Variants in ADAP2 observed in about 807,000 individuals in gnomAD.
ADAP2 encodes the protein ArfGAP with dual PH domains 2, also known as arf-GAP with dual PH domain-containing protein 2.
A neutral mutation model predicts 54.9 loss-of-function variants in ADAP2; 42 were observed. The observed-to-expected ratio is 0.77, with a 90% CI of 0.60 to 0.99. ADAP2 has a LOEUF of 0.99. ADAP2 is among the 50% of genes least tolerant of loss of function. The pLI, the probability that ADAP2 is intolerant of heterozygous loss-of-function variation, is 0.00. For missense variants in ADAP2, 429 were observed against 480.4 expected, an observed-to-expected ratio of 0.89 and a Z score of 1.00; for synonymous variants, 177 against 180.1, an observed-to-expected ratio of 0.98 and a Z score of 0.14.
At chr17:30,927,907 A>T (rs1462959430) in intron 3 of ADAP2, among the ~76,000 whole-genome samples, 1 of 152,056 alleles carries the variant, frequency 6.6e-6, no homozygotes, top group East Asian at 1.9e-4. Context: ...ACGTGCCTGT[A>T]GTCTGAGCTA....
chr17:30,957,622 A>T (rs1196454389), intron 10 of ADAP2, among the ~76,000 whole-genome samples: 1 of 151,704 alleles, frequency 6.6e-6, no homozygotes, highest in Non-Finnish European at 1.5e-5. Flanking sequence ...GTAGAGACAG[A>T]GTTTCACCAT....
At chr17:30,926,946 G>GT in intron 3 of ADAP2, 28 bp downstream of exon 3, 1 of 1,560,338 alleles carries the variant, frequency 6.4e-7, no homozygotes, top group Non-Finnish European at 8.8e-7. Context: ...TAGGGACTGG[G>GT]TGAGGGGTCT....
intron 8 of ADAP2, 47 bp downstream of exon 8, chr17:30,953,397 T>C (rs1188775073): frequency 6.3e-7 from 1 of 1,577,558 alleles, no homozygotes; most frequent in Non-Finnish European, 8.7e-7. Flanking sequence ...TTAATGTATA[T>C]AGAAGGTTTC....
rs1598064159 is a variant in ADAP2 at position 30,958,829 on chromosome 17, C to G, written c.*960C>G. 6.6e-6 allele frequency: 1 copy of G among 151,712 alleles called. No homozygotes were observed. Among genetic ancestry groups the G allele is most frequent in the East Asian group, 1.9e-4 (1 of 5,138 alleles). 9.4% of individuals were successfully genotyped at this position (151,712 alleles called of 1,614,324 possible). A position where few individuals can be genotyped will look rare whatever the true frequency, so the allele number is the denominator to read the frequency against. ...ACTTGAGCCAGGGAGGTCATGGCTA[C>G]AGTGACCCCTCATTGCACCACTTTA... is the stretch of plus-strand genomic sequence containing the variant. On this transcript the variant is annotated 3_prime_UTR_variant, in exon 11 of 11. Transcript: ENST00000330889.
intron 6 of ADAP2, among the ~76,000 whole-genome samples, chr17:30,947,913 G>T (rs1912794403): frequency 6.6e-6 from 1 of 152,186 alleles, no homozygotes; most frequent in Non-Finnish European, 1.5e-5. Context: ...GCCTGGTCCA[G>T]TTGCTGTGGT....
chr17:30,930,262 G>A (rs1911377791), intron 3 of ADAP2, among the ~76,000 whole-genome samples: 1 of 149,530 alleles, frequency 6.7e-6, no homozygotes, highest in African/African-American at 2.5e-5. Flanking sequence ...GGTAGAGCCG[G>A]GGTTTTGCTA....
intron 7 of ADAP2, among the ~76,000 whole-genome samples, chr17:30,950,025 G>A (rs1259966122): frequency 1.3e-5 from 2 of 152,196 alleles, no homozygotes; most frequent in African/African-American, 4.8e-5. Flanking sequence ...TGCTTACAGA[G>A]TGCTTTGAGC....
Position 30,958,022 on chromosome 17 carries a change from C to A in ADAP2, c.*153C>A. The A allele has an allele frequency of 1.4e-6, 1 of 738,908 alleles. No homozygotes were observed. The highest frequency in any genetic ancestry group is 2.3e-6 in the Non-Finnish European group (1 of 428,552). The allele number at this position is 738,908 out of a possible 1,614,324, so 45.8% of individuals were successfully genotyped here. Reference sequence around the variant, plus strand: ...GCCAGGACTGAAGCTGTGGCTTTATCCATCAGCTCCCTGGGCCTTCCCCGC... The same window carrying A: ...GCCAGGACTGAAGCTGTGGCTTTATACATCAGCTCCCTGGGCCTTCCCCGC... On this transcript the variant is annotated 3_prime_UTR_variant, in exon 11 of 11. Transcript: ENST00000330889.
chr17:30,933,745 G>T (rs1375090644), intron 4 of ADAP2, among the ~76,000 whole-genome samples: 2 of 152,300 alleles, frequency 1.3e-5, no homozygotes, highest in South Asian at 2.1e-4. Context: ...TGATCTGCCC[G>T]CCTCGGCCTC....
At position 30,932,230 on chromosome 17, in the gene ADAP2, CTT is replaced by C. The variant is rs769096794; in HGVS notation, c.397+281_397+282del. 2.6e-3 allele frequency among the ~76,000 whole-genome samples: 305 copies of C among 118,900 alleles called. 2 individuals carry two copies. The highest frequency in any genetic ancestry group is 9.3e-3 in the African/African-American group (270 of 28,956). The allele number at this position is 118,900 out of a possible 152,430, so 78.0% of individuals were successfully genotyped here. A position where few individuals can be genotyped will look rare whatever the true frequency, so the allele number is the denominator to read the frequency against. On this transcript the variant is annotated intron_variant, in intron 4 of 10. Transcript: ENST00000330889. ...GCAGGGTCACAAGTGTGTACAGACT[CTT>C]TTTTTTTTTTTTTTTTTTGAGACAG...
At chr17:30,930,706 G>A (rs551374958) in intron 3 of ADAP2, among the ~76,000 whole-genome samples, 2 of 152,330 alleles carry the variant, frequency 1.3e-5, no homozygotes, top group East Asian at 3.9e-4. Flanking sequence ...TGGGCCAGAT[G>A]CCCAGCTCTA....
intron 5 of ADAP2, among the ~76,000 whole-genome samples, chr17:30,940,449 C>T (rs1039849541): frequency 1.3e-5 from 2 of 152,208 alleles, no homozygotes; most frequent in Admixed American, 6.5e-5. Context: ...GGATTACAGG[C>T]GTTGGCCACC....
At chr17:30,945,868 A>G (rs1263391089) in intron 6 of ADAP2, among the ~76,000 whole-genome samples, 1 of 147,552 alleles carries the variant, frequency 6.8e-6, no homozygotes, top group Non-Finnish European at 1.5e-5. Context: ...AAAAAAAAAG[A>G]AGAGGCCGGG....
chr17:30,924,548 C>T (rs1161538839), intron 2 of ADAP2, among the ~76,000 whole-genome samples: 1 of 152,082 alleles, frequency 6.6e-6, no homozygotes, highest in Non-Finnish European at 1.5e-5. Flanking sequence ...CCATTTTGGT[C>T]AGAAAACCTC....
At chr17:30,922,156 A>G in intron 1 of ADAP2, 48 bp downstream of exon 1, 4 of 1,194,300 alleles carry the variant, frequency 3.3e-6, no homozygotes, top group Non-Finnish European at 4.2e-6. Context: ...GCCGGACCCC[A>G]GGCCCACCCG....
In ADAP2 at chr17:30,958,030, T is replaced by A. The variant is rs1257348079; in HGVS notation, c.*161T>A. ...TGAAGCTGTGGCTTTATCCATCAGC[T>A]CCCTGGGCCTTCCCCGCAACCCACC... On this transcript the variant is annotated 3_prime_UTR_variant, in exon 11 of 11. Coordinates refer to ENST00000330889, the MANE Select transcript of ADAP2 (RefSeq NM_018404.3). The A allele has an allele frequency of 5.8e-6, 4 of 695,574 alleles. No individual in the cohort carries two copies. Among genetic ancestry groups the A allele is most frequent in the East Asian group, 2.7e-5 (1 of 36,666 alleles). 43.1% of individuals were successfully genotyped at this position (695,574 alleles called of 1,614,324 possible).
At chr17:30,948,628 G>A (rs1486346605) in intron 6 of ADAP2, among the ~76,000 whole-genome samples, 2 of 152,142 alleles carry the variant, frequency 1.3e-5, no homozygotes, top group Admixed American at 1.3e-4. Flanking sequence ...CAGTCAGAGA[G>A]CAGCTGATCA....
At chr17:30,954,420 A>T in intron 8 of ADAP2, 58 bp from the exon 9 acceptor site, 1 of 1,510,514 alleles carries the variant, frequency 6.6e-7, no homozygotes, top group Non-Finnish European at 9.2e-7. Flanking sequence ...CTGGCCCCTG[A>T]CCTCTATCCT....
intron 9 of ADAP2, among the ~76,000 whole-genome samples, chr17:30,955,649 G>A (rs574588845): frequency 6.6e-6 from 1 of 151,464 alleles, no homozygotes; most frequent in Non-Finnish European, 1.5e-5. Context: ...AGAGGGTGCA[G>A]AGGGTGCATG....
Sources: gnomAD v4.1 joint callset for allele counts (sites outside exome capture counted in the v4.1 genomes callset) on GRCh38, gnomAD v4.1.1 for gene constraint, MANE v1.5 for transcripts, NCBI Gene and HGNC (gene_info 2026-07-23, HGNC 2026-07-21) for gene names.